ULK4: variants seen among roughly 807,000 people sequenced by gnomAD.
The protein encoded by ULK4 is unc-51 like kinase 4.
Under a neutral mutation model 160.6 loss-of-function variants are expected in ULK4, and 133 were observed. The ratio of observed to expected loss-of-function variants is 0.83; its 90% CI spans 0.72 to 0.96. The LOEUF is 0.96. ULK4 is among the 40% of genes least tolerant of loss of function. ULK4 has a pLI of 0.00. For missense variants in ULK4, 1,580 were observed against 1,499.5 expected (o/e 1.05, Z -0.89); for synonymous variants, 534 against 539.8 (o/e 0.99, Z 0.15).
At chr3:41,460,688 A>T (rs1426547979) in intron 33 of ULK4, among the ~76,000 whole-genome samples, 1 of 152,138 alleles carries the variant, frequency 6.6e-6, no homozygotes, top group Non-Finnish European at 1.5e-5. Flanking sequence ...GGCCCCCTGT[A>T]AACAAAAAAG....
chr3:41,556,634 C>T lies in ULK4; in HGVS notation c.3226+9391G>A, dbSNP rs142763105. 5.4e-3 allele frequency among the ~76,000 whole-genome samples: 816 copies of T among 151,822 alleles called. 6 individuals are homozygous for T. The highest frequency in any genetic ancestry group is 8.9e-3 in the Non-Finnish European group (606 of 67,936). On this transcript the variant is annotated intron_variant, in intron 32 of 36. Transcript: ENST00000301831. ...TCCCAAGGAGCTGGGACTACAGGCA[C>T]GTGCCACCATGCCTGGCTAACTTTT...
chr3:41,390,037 C>T (rs1172249341), intron 35 of ULK4, among the ~76,000 whole-genome samples: 2 of 152,132 alleles, frequency 1.3e-5, no homozygotes, highest in Non-Finnish European at 2.9e-5. Context: ...TTAATTATTG[C>T]CTAAATTTCA....
At chr3:41,508,031 T>TC (rs1268741465) in intron 32 of ULK4, among the ~76,000 whole-genome samples, 4 of 152,164 alleles carry the variant, frequency 2.6e-5, no homozygotes, top group Non-Finnish European at 1.5e-5. Context: ...AGGCTGGTGG[T>TC]CCAGGGCAAG....
At chr3:41,945,147 G>C (rs1034912842) in intron 2 of ULK4, among the ~76,000 whole-genome samples, 5 of 152,180 alleles carry the variant, frequency 3.3e-5, no homozygotes, top group Non-Finnish European at 7.3e-5. Flanking sequence ...AAGGAATCAA[G>C]ACTCTGCCAT....
At chr3:41,567,511 G>A (rs57056672) in intron 31 of ULK4, among the ~76,000 whole-genome samples, 2,965 of 146,424 alleles carry the variant, frequency 0.02, 112 homozygotes, top group African/African-American at 0.07. Flanking sequence ...GCAGTGGTGC[G>A]ATCTCGGCTC....
chr3:41,900,968 T>C (rs564904566), intron 12 of ULK4, 139 bp from the exon 13 acceptor site: 5 of 554,736 alleles, frequency 9.0e-6, no homozygotes, highest in Non-Finnish European at 1.6e-5. Context: ...TTCAAGATGG[T>C]TGCAGTCTCA....
chr3:41,506,692 C>A (rs1184846370), intron 32 of ULK4, among the ~76,000 whole-genome samples: 1 of 142,106 alleles, frequency 7.0e-6, no homozygotes, highest in East Asian at 2.1e-4. Context: ...ACTTTCTTGT[C>A]CTCTATTTCT....
intron 30 of ULK4, among the ~76,000 whole-genome samples, chr3:41,648,914 G>A (rs183714178): frequency 1.6e-3 from 236 of 152,170 alleles, no homozygotes; most frequent in Non-Finnish European, 2.0e-3. Flanking sequence ...CGGGCAGATC[G>A]TTTGAGCCCA....
intron 35 of ULK4, among the ~76,000 whole-genome samples, chr3:41,291,484 A>G (rs991684236): frequency 1.6e-5 from 2 of 124,184 alleles, no homozygotes; most frequent in Admixed American, 7.8e-5. Context: ...GAGAGGAGGA[A>G]AGAAGGAAGA....
intron 34 of ULK4, among the ~76,000 whole-genome samples, chr3:41,420,843 G>T (rs1274952139): frequency 6.6e-6 from 1 of 151,200 alleles, no homozygotes; most frequent in Non-Finnish European, 1.5e-5. Context: ...GCCAGACGCG[G>T]TGGCTTGCAC....
intron 34 of ULK4, among the ~76,000 whole-genome samples, chr3:41,445,222 A>G (rs1020605791): frequency 1.5e-4 from 23 of 152,056 alleles, no homozygotes; most frequent in African/African-American, 5.1e-4. Flanking sequence ...GGAAATAAAA[A>G]AGGATACAAA....
rs79314305 is a variant in ULK4 at position 41,356,424 on chromosome 3, A to G, written c.3678+41655T>C. 1.0e-2 allele frequency among the ~76,000 whole-genome samples: 1,520 copies of G among 152,184 alleles called. 14 individuals are homozygous for G. Among genetic ancestry groups the G allele is most frequent in the African/African-American group, 0.027 (1,110 of 41,504 alleles). ...TCAGTGACTGTTCTTCTCTAATACA[A>G]TCACTCACAGAGGTCTGAGGATATG... On this transcript the variant is annotated intron_variant, in intron 35 of 36. Transcript: ENST00000301831.
At chr3:41,699,934 G>C (rs2036617808) in intron 27 of ULK4, among the ~76,000 whole-genome samples, 1 of 152,060 alleles carries the variant, frequency 6.6e-6, no homozygotes, top group Admixed American at 6.6e-5. Flanking sequence ...ATTTCTATTT[G>C]AATGCAAAAT....
At chr3:41,341,611 A>G (rs1238782530) in intron 35 of ULK4, among the ~76,000 whole-genome samples, 3 of 151,532 alleles carry the variant, frequency 2.0e-5, no homozygotes, top group African/African-American at 7.2e-5. Flanking sequence ...TGTAAAGGTA[A>G]AGACCAAGGG....
chr3:41,536,787 G>A (rs998943188), intron 32 of ULK4, among the ~76,000 whole-genome samples: 2 of 152,140 alleles, frequency 1.3e-5, no homozygotes, highest in African/African-American at 4.8e-5. Context: ...CTGACAAGGT[G>A]GAAGAGGTGG....
intron 35 of ULK4, among the ~76,000 whole-genome samples, chr3:41,283,222 T>C (rs551657470): frequency 1.3e-5 from 2 of 152,304 alleles, no homozygotes; most frequent in South Asian, 4.1e-4. Flanking sequence ...AGTCAACCAT[T>C]GTGGAAGACA....
At chr3:41,624,448 C>T (rs779890359) in intron 30 of ULK4, among the ~76,000 whole-genome samples, 11 of 152,054 alleles carry the variant, frequency 7.2e-5, no homozygotes, top group Admixed American at 1.3e-4. Context: ...CATAACCACA[C>T]AAAACTATCT....
intron 27 of ULK4, among the ~76,000 whole-genome samples, chr3:41,696,638 G>C (rs566074572): frequency 6.6e-6 from 1 of 151,860 alleles, no homozygotes; most frequent in African/African-American, 2.4e-5. Context: ...TCCACACACG[G>C]CAAGAAAAAC....
chr3:41,845,214 C>T (rs1241348013), intron 17 of ULK4, among the ~76,000 whole-genome samples: 1 of 152,130 alleles, frequency 6.6e-6, no homozygotes, highest in Non-Finnish European at 1.5e-5. Context: ...ATCCACCCGT[C>T]TCGGCCCCCA....
Sources: allele counts gnomAD v4.1 joint callset (sites outside exome capture counted in the v4.1 genomes callset), GRCh38; gene constraint gnomAD v4.1.1; transcripts MANE v1.5; gene names NCBI Gene and HGNC (gene_info 2026-07-23, HGNC 2026-07-21).